The following FAIM variants were observed in gnomAD, a reference collection of about 807,000 sequenced individuals.
FAIM encodes Fas apoptotic inhibitory molecule, also known as fas apoptotic inhibitory molecule 1.
A neutral mutation model predicts 21.2 loss-of-function variants in FAIM; 14 were observed. The ratio of observed to expected loss-of-function variants is 0.66; its 90% CI spans 0.44 to 1.03. FAIM has a LOEUF of 1.03. FAIM is among the 50% of genes least tolerant of loss of function. The pLI is 0.00. For missense variants in FAIM, 222 were observed against 247.1 expected (o/e 0.90, Z 0.68); for synonymous variants, 86 against 80.4 (o/e 1.07, Z -0.37).
At position 138,632,856 on chromosome 3, in the gene FAIM, T is replaced by TAGTATGC. The variant is rs1363655310; in HGVS notation, c.457-74_457-73insAGTATGC. ...TTATTTTATTGCACTACTAGTACTT[T>TAGTATGC]TAGATGGTGTGAATGCTCTAGACAG... On this transcript the variant is annotated intron_variant, in intron 5 of 5. Transcript: ENST00000360570. 3.5e-6 allele frequency: 5 copies of TAGTATGC among 1,446,710 alleles called. No individual in the cohort carries two copies. The East Asian group carries it at 1.2e-4, about 34-fold the overall frequency. 89.6% of individuals were successfully genotyped at this position (1,446,710 alleles called of 1,614,324 possible).
chr3:138,625,650 A>C (rs2042931387), intron 4 of FAIM, among the ~76,000 whole-genome samples: 1 of 152,178 alleles, frequency 6.6e-6, no homozygotes, highest in Non-Finnish European at 1.5e-5. Context: ...GCAAGGCCAC[A>C]AAAAAGCTTT....
chr3:138,611,423 T>C (rs1255560374), intron 1 of FAIM, among the ~76,000 whole-genome samples: 1 of 152,194 alleles, frequency 6.6e-6, no homozygotes, highest in African/African-American at 2.4e-5. Flanking sequence ...TAACAATTTT[T>C]TAGTGTACAA....
At chr3:138,611,520 C>T (rs2042768948) in intron 1 of FAIM, among the ~76,000 whole-genome samples, 1 of 152,154 alleles carries the variant, frequency 6.6e-6, no homozygotes, top group Non-Finnish European at 1.5e-5. Context: ...AACAGAAACA[C>T]AGTAACCATT....
At chr3:138,617,542 T>C (rs1336585500) in intron 1 of FAIM, among the ~76,000 whole-genome samples, 1 of 146,960 alleles carries the variant, frequency 6.8e-6, no homozygotes, top group Admixed American at 6.9e-5. Context: ...TCTATCTACC[T>C]ATCTACCTAT....
Position 138,621,473 on chromosome 3 carries a change from A to G in FAIM, c.111A>G (p.Gly37=). 1 of 1,614,028 alleles carries G rather than the reference A, an allele frequency of 6.2e-7. No individual in the cohort carries two copies. Among genetic ancestry groups the G allele is most frequent in the Non-Finnish European group, 8.5e-7 (1 of 1,179,940 alleles). The stretch of plus-strand genomic sequence containing the variant: ...TTTGGGATGTTGCTTTAAGTGACGG[A>G]GTCCACAAGATCGAATTTGAACATG... ...VAVWDVALSD[G]VHKIEFEHGT... is the part of the protein sequence containing the mutation. Residue 37 remains glycine, a synonymous_variant, in exon 3 of 6, where the codon GGA becomes GGG. Transcript: ENST00000360570.
chr3:138,613,429 C>T (rs1405988215), intron 1 of FAIM, among the ~76,000 whole-genome samples: 2 of 152,192 alleles, frequency 1.3e-5, no homozygotes, highest in African/African-American at 4.8e-5. Context: ...AATATTTTCT[C>T]TCATCCTTGT....
intron 2 of FAIM, among the ~76,000 whole-genome samples, chr3:138,620,293 T>C (rs564919379): frequency 6.6e-6 from 1 of 152,342 alleles, no homozygotes; most frequent in East Asian, 1.9e-4. Context: ...CTTAGAACAA[T>C]GACTGATACA....
intron 1 of FAIM, among the ~76,000 whole-genome samples, chr3:138,617,162 A>G (rs1159616127): frequency 6.6e-6 from 1 of 151,770 alleles, no homozygotes; most frequent in Non-Finnish European, 1.5e-5. Context: ...TATAATTAAG[A>G]TGTTGTATCT....
chr3:138,618,619 G>A (rs1408163327), intron 1 of FAIM, among the ~76,000 whole-genome samples: 1 of 152,206 alleles, frequency 6.6e-6, no homozygotes, highest in Non-Finnish European at 1.5e-5. Context: ...AGTGAGCCAA[G>A]ATCATGCCAC....
chr3:138,610,036 G>C (rs2042750882), intron 1 of FAIM, among the ~76,000 whole-genome samples: 1 of 152,110 alleles, frequency 6.6e-6, no homozygotes, highest in African/African-American at 2.4e-5. Flanking sequence ...ATAAGGGGCC[G>C]GCCCGGAGAT....
chr3:138,611,604 G>A (rs1358501254), intron 1 of FAIM, among the ~76,000 whole-genome samples: 1 of 152,150 alleles, frequency 6.6e-6, no homozygotes, highest in Admixed American at 6.6e-5. Flanking sequence ...TCCCCAGTGT[G>A]GCAGTATTGG....
At chr3:138,627,114 T>G (rs987197797) in intron 4 of FAIM, among the ~76,000 whole-genome samples, 44 of 152,148 alleles carry the variant, frequency 2.9e-4, no homozygotes, top group Non-Finnish European at 2.9e-5. Flanking sequence ...TTTTTCAGAG[T>G]TTGTCATTTA....
chr3:138,629,188 A>G (rs756850192), intron 5 of FAIM, 32 bp downstream of exon 5: 10 of 1,555,106 alleles, frequency 6.4e-6, no homozygotes, highest in African/African-American at 4.3e-5. Flanking sequence ...TCTAAGTGCC[A>G]TGTGTCTCAG....
Position 138,629,174 on chromosome 3 carries a change from T to C in FAIM, c.456+18T>C, listed in dbSNP as rs147070000. The C allele has an allele frequency of 2.1e-4, 340 of 1,590,500 alleles. No individual in the cohort carries two copies. The African/African-American group carries it at 4.0e-3, about 19-fold the overall frequency. On this transcript the variant is annotated intron_variant, in intron 5 of 5. Transcript: ENST00000360570. ...AGACAGCGGTAAGTTGACTATTTGA[T>C]GACTCTAAGTGCCATGTGTCTCAGT...
rs1330482365 is a variant in FAIM, at chr3:138,619,456, T to TATAC, written c.-16-254_-16-251dup. ...AGTTTGTTCTTTAGTTTTGATAAAG[T>TATAC]ATACCTTTAAGAAATTATAAATCCA... On this transcript the variant is annotated intron_variant, in intron 1 of 5. Transcript: ENST00000360570. Among the ~76,000 whole-genome samples the TATAC allele has an allele frequency of 3.3e-5, 5 of 152,322 alleles. No individual in the cohort carries two copies. The East Asian group carries it at 9.6e-4, about 29-fold the overall frequency.
intron 4 of FAIM, among the ~76,000 whole-genome samples, chr3:138,628,044 C>T (rs932132505): frequency 6.6e-6 from 1 of 152,154 alleles, no homozygotes; most frequent in African/African-American, 2.4e-5. Flanking sequence ...TCTCCTGCTA[C>T]TCCTGAGGAC....
intron 4 of FAIM, 143 bp from the exon 5 acceptor site, chr3:138,628,964 T>G: frequency 1.8e-6 from 1 of 551,356 alleles, no homozygotes; most frequent in African/African-American, 2.0e-5. Flanking sequence ...ATGAAAGCCA[T>G]GAAAAAGTGT....
At chr3:138,631,755 C>T (rs781398477) in intron 5 of FAIM, among the ~76,000 whole-genome samples, 6 of 152,176 alleles carry the variant, frequency 3.9e-5, no homozygotes, top group Non-Finnish European at 8.8e-5. Context: ...TATTACCTAA[C>T]CCTTGCCCTT....
Position 138,621,414 on chromosome 3 carries a change from T to C in FAIM, c.52T>C (p.Tyr18His). The change falls in exon 3 of 6, where the codon TAC becomes CAC. Residue 18 changes from tyrosine to histidine, a missense_variant. Tyr to His is a moderately conservative substitution (Grantham distance 83). Coordinates refer to ENST00000360570, the MANE Select transcript of FAIM (RefSeq NM_001033031.2). ...TTTATTTTATTCCTTTAGCCCTCCTTACAGCCTAGAAAAAATGACAGATCT... is the reference window on the plus strand; with the variant it reads ...TTTATTTTATTCCTTTAGCCCTCCTCACAGCCTAGAAAAAATGACAGATCT... ...PIFEDDESPP[Y>H]SLEKMTDLVA... The C allele has an allele frequency of 6.2e-7, 1 of 1,614,010 alleles. No homozygotes were observed. Among genetic ancestry groups the C allele is most frequent in the Non-Finnish European group, 8.5e-7 (1 of 1,179,936 alleles).
Sources: gnomAD v4.1 joint callset for allele counts (sites outside exome capture counted in the v4.1 genomes callset) on GRCh38, gnomAD v4.1.1 for gene constraint, MANE v1.5 for transcripts, NCBI Gene and HGNC (gene_info 2026-07-23, HGNC 2026-07-21) for gene names.